C4orf50: variants seen among roughly 807,000 people sequenced by gnomAD.
The protein encoded by C4orf50 is chromosome 4 open reading frame 50, also known as uncharacterized protein C4orf50.
In C4orf50, 80 loss-of-function variants were observed where a neutral mutation model predicts 77.2. That is an observed-to-expected ratio of 1.04 (90% CI 0.87 to 1.25). The LOEUF (loss-of-function observed/expected upper bound fraction) is 1.25. Ranked by LOEUF, C4orf50 falls within the 50% of genes most tolerant of loss-of-function variation. The probability of loss-of-function intolerance (pLI) is 0.00; values close to 1 mark genes in which losing one functional copy is unlikely to be tolerated. For missense variants in C4orf50, 1,257 were observed against 1,152.9 expected (o/e 1.09, Z -1.31); for synonymous variants, 532 against 465.3 (o/e 1.14, Z -1.84).
chr4:6,007,019 T>A lies in C4orf50; in HGVS notation c.963+977A>T, dbSNP rs1368061792. ...CACATATGAGTCCCATGGCACAGCATGTTGAAGATTTTGTCTAGCGCAGGG... is the reference window on the plus strand; with the variant it reads ...CACATATGAGTCCCATGGCACAGCAAGTTGAAGATTTTGTCTAGCGCAGGG... On this transcript the variant is annotated intron_variant, in intron 25 of 33. Coordinates refer to ENST00000531445, the Ensembl canonical transcript of C4orf50. This position sits in a 1 kb window ranked among gnomAD's most constrained non-coding sequence, Gnocchi z 4.1. Among the ~76,000 whole-genome samples the A allele has an allele frequency of 1.3e-5, 2 of 152,132 alleles. No individual in the cohort carries two copies. Among genetic ancestry groups the A allele is most frequent in the Non-Finnish European group, 1.5e-5 (1 of 68,034 alleles).
At chr4:5,990,122 G>T in exon 28 of C4orf50, 1 of 1,273,368 alleles carries the variant, frequency 7.9e-7, no homozygotes, top group Non-Finnish European at 9.9e-7. Flanking sequence ...CTCCTGCTCA[G>T]GGATTCGGGA....
rs187599302 is a variant in C4orf50 at position 6,000,332 on chromosome 4, C to T, written c.964-5856G>A. 1.8e-4 allele frequency among the ~76,000 whole-genome samples: 27 copies of T among 152,228 alleles called. No homozygotes were observed. The highest frequency in any genetic ancestry group is 4.6e-4 in the African/African-American group (19 of 41,550). ...CGCATCTGGCTTTGCAGTTCCTTAT[C>T]GATGGGTTCTAACACTTTAATTTAT... On this transcript the variant is annotated intron_variant, in intron 25 of 33. Transcript: ENST00000531445. This position sits in a 1 kb window ranked among gnomAD's most constrained non-coding sequence, Gnocchi z 6.0.
intron 30 of C4orf50, among the ~76,000 whole-genome samples, chr4:5,974,476 A>G (rs1720138486): frequency 6.6e-6 from 1 of 152,080 alleles, no homozygotes; most frequent in Non-Finnish European, 1.5e-5. Context: ...ACAGACACGG[A>G]AATGTGGGGT....
exon 28 of C4orf50, chr4:5,989,537 C>G (rs1168692242): frequency 6.5e-7 from 1 of 1,536,156 alleles, no homozygotes; most frequent in Admixed American, 2.0e-5. Context: ...CTCCAGTTCT[C>G]TCCCCTACAT....
At chr4:5,963,073 C>A (rs984091928) in intron 33 of C4orf50, among the ~76,000 whole-genome samples, 2 of 149,828 alleles carry the variant, frequency 1.3e-5, no homozygotes, top group Non-Finnish European at 2.9e-5. Flanking sequence ...ACGATCTTGG[C>A]TCACTACAAC....
chr4:5,959,395 G>A (rs748066143), exon 34 of C4orf50: 13 of 1,614,030 alleles, frequency 8.1e-6, no homozygotes, highest in Non-Finnish European at 1.0e-5. Flanking sequence ...AACTCCAGCG[G>A]TGATTTATGG....
intron 32 of C4orf50, 86 bp from the exon 11 acceptor site, chr4:5,965,231 TCA>T (rs1181927636): frequency 7.2e-7 from 1 of 1,379,900 alleles, no homozygotes; most frequent in Non-Finnish European, 1.0e-6. Context: ...ATAACCTTCT[TCA>T]CTCTCTAGCC....
chr4:5,956,387 G>C (rs1020154174), downstream of C4orf50, among the ~76,000 whole-genome samples: 1 of 152,294 alleles, frequency 6.6e-6, no homozygotes. Context: ...CACGGCCCCT[G>C]GGCCTTGTGT....
At chr4:5,987,179 G>C (rs1720910411) in intron 28 of C4orf50, among the ~76,000 whole-genome samples, 1 of 151,970 alleles carries the variant, frequency 6.6e-6, no homozygotes, top group South Asian at 2.1e-4. Flanking sequence ...GGGAGGCCTA[G>C]GTGGGCAGAT....
Position 5,905,937 on chromosome 4 carries a change from A to G in C4orf50, c.*2475-7749T>C, listed in dbSNP as rs956959343. Among the ~76,000 whole-genome samples, 1 of 150,654 alleles carries G rather than the reference A, an allele frequency of 6.6e-6. No individual in the cohort carries two copies. Among genetic ancestry groups the G allele is most frequent in the Non-Finnish European group, 1.5e-5 (1 of 67,740 alleles). ...GGGCAGGGGGGCGGGGGGCAGAGGGACGGATGCCCTGCTTGCCCTCCTCAC... is the reference window on the plus strand; with the variant it reads ...GGGCAGGGGGGCGGGGGGCAGAGGGGCGGATGCCCTGCTTGCCCTCCTCAC... On this transcript the variant is annotated intron_variant, in intron 7 of 7. Transcript: ENST00000324058. The surrounding 1 kb of genome is among the most constrained non-coding windows in gnomAD (Gnocchi z 5.4).
chr4:5,940,701 C>T (rs766623162), intron 7 of C4orf50, among the ~76,000 whole-genome samples: 1 of 152,176 alleles, frequency 6.6e-6, no homozygotes, highest in African/African-American at 2.4e-5. Context: ...TTCTCCACAC[C>T]CTGGACTGGC....
intron 7 of C4orf50, among the ~76,000 whole-genome samples, chr4:5,936,855 G>T (rs941449220): frequency 6.6e-6 from 1 of 151,976 alleles, no homozygotes; most frequent in Non-Finnish European, 1.5e-5. Context: ...AATAGAAGAT[G>T]CTAAAAGCAA....
At chr4:5,987,930 A>C (rs2108788317) in intron 28 of C4orf50, among the ~76,000 whole-genome samples, 1 of 152,316 alleles carries the variant, frequency 6.6e-6, no homozygotes, top group South Asian at 2.1e-4. Context: ...CATGCTCTAC[A>C]GTCCATTGTT....
intron 7 of C4orf50, among the ~76,000 whole-genome samples, chr4:5,938,122 C>T (rs920967427): frequency 1.3e-5 from 2 of 151,832 alleles, no homozygotes; most frequent in African/African-American, 2.4e-5. Flanking sequence ...TAGCCAAATA[C>T]GTAATATTTT....
intron 25 of C4orf50, among the ~76,000 whole-genome samples, chr4:6,004,020 T>C (rs1205576920): frequency 4.3e-5 from 5 of 116,958 alleles, no homozygotes; most frequent in African/African-American, 6.9e-5. Flanking sequence ...GATGTGATGG[T>C]GATAATGTGA....
chr4:6,014,696 C>A (rs1722615747), intron 23 of C4orf50, among the ~76,000 whole-genome samples: 1 of 152,198 alleles, frequency 6.6e-6, no homozygotes, highest in African/African-American at 2.4e-5. Context: ...CATCCCTCAG[C>A]CTCAGTTTAC....
intron 23 of C4orf50, among the ~76,000 whole-genome samples, chr4:6,012,203 G>A (rs1275166473): frequency 1.3e-5 from 2 of 152,162 alleles, no homozygotes; most frequent in Non-Finnish European, 2.9e-5. Flanking sequence ...AATCTTCAAC[G>A]TCCTCACACC....
chr4:5,917,406 C>CTTTTTTTTT (rs34928524), intron 7 of C4orf50, among the ~76,000 whole-genome samples: 18 of 86,422 alleles, frequency 2.1e-4, no homozygotes, highest in Non-Finnish European at 4.1e-4. Context: ...TCCTGTATTT[C>CTTTTTTTTT]TTTTTTTTTT....
intron 33 of C4orf50, among the ~76,000 whole-genome samples, chr4:5,959,992 G>T (rs752255468): frequency 6.6e-6 from 1 of 152,142 alleles, no homozygotes. Context: ...CCCTTGAAAG[G>T]GGAAGTCATG....
Sources: allele counts gnomAD v4.1 joint callset (sites outside exome capture counted in the v4.1 genomes callset), GRCh38; gene constraint gnomAD v4.1.1; non-coding constraint Gnocchi (gnomAD v3.1); transcripts MANE v1.5; gene names NCBI Gene and HGNC (gene_info 2026-07-23, HGNC 2026-07-21).